The following CSNK1G1 variants were observed in gnomAD, a reference collection of about 807,000 sequenced individuals.
CSNK1G1 encodes the protein casein kinase I isoform gamma-1.
A neutral mutation model predicts 59.6 loss-of-function variants in CSNK1G1; 22 were observed. That is an observed-to-expected ratio of 0.37 (90% CI 0.26 to 0.53). The LOEUF (loss-of-function observed/expected upper bound fraction) is 0.53, where lower values mean the gene tolerates loss of function less well. CSNK1G1 is among the 20% of genes least tolerant of loss of function. CSNK1G1 has a pLI of 0.89. For synonymous variants in CSNK1G1, 179 were observed against 177.1 expected, an observed-to-expected ratio of 1.01 and a Z score of -0.08; for missense variants, 384 against 519.5, an observed-to-expected ratio of 0.74 and a Z score of 2.54.
At chr15:64,270,677 G>A (rs563368393) in intron 2 of CSNK1G1, among the ~76,000 whole-genome samples, 26 of 151,612 alleles carry the variant, frequency 1.7e-4, no homozygotes, top group Non-Finnish European at 5.9e-5. Context: ...GGAACATGGC[G>A]TGAACCCAGG....
rs1029250680 is a variant in CSNK1G1, at chr15:64,168,745, C to T, written c.*3186G>A. ...CTGGCTGAGGCATACAGCTAAGGAA[C>T]TGTAGCAGTAGGGTTGAGGAGGGAG... On this transcript the variant is annotated 3_prime_UTR_variant, in exon 12 of 12. Transcript: ENST00000303052. 2 of 152,214 alleles carry T rather than the reference C, an allele frequency of 1.3e-5. No homozygotes were observed. The highest frequency in any genetic ancestry group is 4.8e-5 in the African/African-American group (2 of 41,452). 9.4% of individuals were successfully genotyped at this position (152,214 alleles called of 1,614,324 possible). A position where few individuals can be genotyped will look rare whatever the true frequency, so the allele number is the denominator to read the frequency against.
intron 1 of CSNK1G1, among the ~76,000 whole-genome samples, chr15:64,355,266 C>G (rs1898583296): frequency 6.6e-6 from 1 of 152,070 alleles, no homozygotes; most frequent in Non-Finnish European, 1.5e-5. Context: ...TAATTTATAC[C>G]GGAATTAATA....
chr15:64,204,771 T>A, intron 8 of CSNK1G1, 94 bp downstream of exon 8: 2 of 1,096,818 alleles, frequency 1.8e-6, no homozygotes, highest in Non-Finnish European at 2.8e-6. Context: ...AAATGTTAAT[T>A]ACCTAAACAG....
At chr15:64,335,615 G>T (rs1248087789) in intron 1 of CSNK1G1, among the ~76,000 whole-genome samples, 2 of 152,114 alleles carry the variant, frequency 1.3e-5, no homozygotes, top group South Asian at 2.1e-4. Context: ...TGTGATTGAT[G>T]ATTTGAATTT....
chr15:64,193,208 G>C (rs2081994765), intron 10 of CSNK1G1, among the ~76,000 whole-genome samples: 1 of 151,734 alleles, frequency 6.6e-6, no homozygotes, highest in Admixed American at 6.6e-5. Context: ...GAATGGAACA[G>C]GAGCCAGCTG....
intron 10 of CSNK1G1, among the ~76,000 whole-genome samples, chr15:64,199,085 C>G: frequency 7.5e-6 from 1 of 133,666 alleles, no homozygotes; most frequent in South Asian, 2.3e-4. Flanking sequence ...ACAGAAAATA[C>G]GAAAAAAAAA....
At chr15:64,233,965 T>C (rs1456974768) in intron 4 of CSNK1G1, among the ~76,000 whole-genome samples, 1 of 152,204 alleles carries the variant, frequency 6.6e-6, no homozygotes, top group African/African-American at 2.4e-5. Context: ...TTTAAAATGT[T>C]TCCTGACAAT....
intron 2 of CSNK1G1, among the ~76,000 whole-genome samples, chr15:64,268,731 C>T (rs1280197286): frequency 6.6e-6 from 1 of 152,044 alleles, no homozygotes; most frequent in Non-Finnish European, 1.5e-5. Flanking sequence ...GTGTGTGTGT[C>T]AGCATCCCGC....
intron 4 of CSNK1G1, among the ~76,000 whole-genome samples, chr15:64,247,069 T>C (rs182638345): frequency 1.4e-4 from 21 of 152,296 alleles, no homozygotes; most frequent in Admixed American, 7.2e-4. Flanking sequence ...GACTCTTTCA[T>C]ATCTCTGCCC....
At position 64,166,176 on chromosome 15, in the gene CSNK1G1, AGTT is replaced by A; in HGVS notation, c.*5752_*5754del. 1 of 468,358 alleles carries A rather than the reference AGTT, an allele frequency of 2.1e-6. No homozygotes were observed. 29.0% of individuals were successfully genotyped at this position (468,358 alleles called of 1,614,324 possible). A position where few individuals can be genotyped will look rare whatever the true frequency, so the allele number is the denominator to read the frequency against. The stretch of plus-strand genomic sequence containing the variant: ...TCCACTGCTGATTTATACATTATCT[AGTT>A]GTTTAAAAATCGCAATCAACATCCC... On this transcript the variant is annotated 3_prime_UTR_variant, in exon 12 of 12. Coordinates refer to ENST00000303052, the MANE Select transcript of CSNK1G1 (RefSeq NM_022048.5). The surrounding 1 kb of genome is among the most constrained non-coding windows in gnomAD (Gnocchi z 4.5).
intron 2 of CSNK1G1, among the ~76,000 whole-genome samples, chr15:64,266,618 A>T (rs542910391): frequency 6.6e-6 from 1 of 152,286 alleles, no homozygotes; most frequent in South Asian, 2.1e-4. Context: ...CCAATGCAAA[A>T]ATCTCCTAGA....
intron 4 of CSNK1G1, among the ~76,000 whole-genome samples, chr15:64,250,683 T>C (rs955721270): frequency 9.9e-5 from 15 of 151,932 alleles, no homozygotes; most frequent in African/African-American, 3.6e-4. Context: ...AGGCCCAGGC[T>C]GCAGTGAGCC....
At chr15:64,275,969 T>G (rs1666785474) in intron 2 of CSNK1G1, among the ~76,000 whole-genome samples, 1 of 152,200 alleles carries the variant, frequency 6.6e-6, no homozygotes, top group South Asian at 2.1e-4. Context: ...AGCTGGTCAG[T>G]GGCTGGACTA....
At chr15:64,235,825 A>T (rs2082606598) in intron 4 of CSNK1G1, among the ~76,000 whole-genome samples, 1 of 152,202 alleles carries the variant, frequency 6.6e-6, no homozygotes, top group African/African-American at 2.4e-5. Context: ...CTGTATTTCA[A>T]ACATTTCTTA....
chr15:64,277,876 T>C (rs1230404945), intron 2 of CSNK1G1, among the ~76,000 whole-genome samples: 1 of 139,130 alleles, frequency 7.2e-6, no homozygotes, highest in East Asian at 2.0e-4. Flanking sequence ...TTAATAATAA[T>C]ATTGATATAT....
Position 64,249,882 on chromosome 15 carries a change from G to A in CSNK1G1, c.292+1630C>T, listed in dbSNP as rs142788951. On this transcript the variant is annotated intron_variant, in intron 4 of 11. Transcript: ENST00000303052. ...GCTCTATATTGAAAAGGGAAGATTGGTCTGATTTGGTGGATCTATTTGAAA... is the reference window on the plus strand; with the variant it reads ...GCTCTATATTGAAAAGGGAAGATTGATCTGATTTGGTGGATCTATTTGAAA... 2.9e-3 allele frequency among the ~76,000 whole-genome samples: 440 copies of A among 152,238 alleles called. 1 individual carries two copies. Among genetic ancestry groups the A allele is most frequent in the Middle Eastern group, 6.8e-3 (2 of 294 alleles).
chr15:64,208,782 C>T (rs1440775818), intron 6 of CSNK1G1, among the ~76,000 whole-genome samples: 4 of 152,178 alleles, frequency 2.6e-5, no homozygotes, highest in African/African-American at 9.7e-5. Context: ...GCAAATCTAA[C>T]ATATCAGCCT....
chr15:64,314,006 G>A (rs116223904), intron 1 of CSNK1G1, among the ~76,000 whole-genome samples: 1,889 of 152,166 alleles, frequency 0.012, 28 homozygotes, highest in African/African-American at 0.044. Context: ...TGTAGAGAGG[G>A]CCTCACAAAC....
In CSNK1G1 at chr15:64,229,902, A is replaced by ATT. The variant is rs533868270; in HGVS notation, c.293-13191_293-13190dup. ...CCTATATTTTTGGGCATGTTTGTAA[A>ATT]TTTTTTTTTTTTTTTTTTTTTTTTT... On this transcript the variant is annotated intron_variant, in intron 4 of 11. Coordinates refer to ENST00000303052, the MANE Select transcript of CSNK1G1 (RefSeq NM_022048.5). Among the ~76,000 whole-genome samples, 108 of 43,788 alleles carry ATT rather than the reference A, an allele frequency of 2.5e-3. 28 individuals carry two copies. Among genetic ancestry groups the ATT allele is most frequent in the African/African-American group, 4.5e-3 (53 of 11,840 alleles). The allele number at this position is 43,788 out of a possible 152,430, so 28.7% of individuals were successfully genotyped here.
Sources: allele counts gnomAD v4.1 joint callset (sites outside exome capture counted in the v4.1 genomes callset), GRCh38; gene constraint gnomAD v4.1.1; non-coding constraint Gnocchi (gnomAD v3.1); transcripts MANE v1.5; gene names NCBI Gene and HGNC (gene_info 2026-07-23, HGNC 2026-07-21).